CSMD3: variants seen among roughly 807,000 people sequenced by gnomAD.
CSMD3 encodes CUB and Sushi multiple domains 3, also known as CUB and sushi domain-containing protein 3.
Under a neutral mutation model 435.2 loss-of-function variants are expected in CSMD3, and 177 were observed. That is an observed-to-expected ratio of 0.41 (90% confidence interval 0.36 to 0.46). The LOEUF is 0.46. CSMD3 is among the 20% of genes least tolerant of loss of function. CSMD3 has a pLI of 0.34. For missense variants in CSMD3, 4,265 were observed against 4,504.6 expected (o/e 0.95, Z 1.52); for synonymous variants, 1,656 against 1,520.5 (o/e 1.09, Z -2.07).
chr8:112,930,248 C>G (rs2083062352), intron 9 of CSMD3, among the ~76,000 whole-genome samples: 1 of 152,016 alleles, frequency 6.6e-6, no homozygotes, highest in Non-Finnish European at 1.5e-5. Flanking sequence ...TATATCACTC[C>G]CTGTGTTCTC....
chr8:112,326,824 G>C (rs1823558223), intron 45 of CSMD3, among the ~76,000 whole-genome samples: 1 of 152,056 alleles, frequency 6.6e-6, no homozygotes, highest in African/African-American at 2.4e-5. Flanking sequence ...AAACCAGCTA[G>C]CCACCTGCAG....
At chr8:113,165,439 A>T (rs958395791) in intron 4 of CSMD3, among the ~76,000 whole-genome samples, 5 of 152,210 alleles carry the variant, frequency 3.3e-5, no homozygotes, top group Non-Finnish European at 7.3e-5. Context: ...TGTCAAAACA[A>T]GTAAACAAAA....
At chr8:112,969,594 A>T (rs1164268168) in intron 7 of CSMD3, among the ~76,000 whole-genome samples, 1 of 151,998 alleles carries the variant, frequency 6.6e-6, no homozygotes, top group Admixed American at 6.6e-5. Context: ...AAACCTCATA[A>T]CATATATTTA....
intron 53 of CSMD3, among the ~76,000 whole-genome samples, chr8:112,298,388 T>C (rs571797067): frequency 5.9e-5 from 9 of 152,236 alleles, no homozygotes; most frequent in Non-Finnish European, 1.3e-4. Context: ...TCAATGCTAC[T>C]ATGTAACACA....
chr8:112,470,637 T>C (rs1040435358), intron 32 of CSMD3, among the ~76,000 whole-genome samples: 6 of 151,992 alleles, frequency 3.9e-5, no homozygotes, highest in African/African-American at 1.2e-4. Context: ...TGTATATATA[T>C]GTATATAATA....
chr8:112,558,121 G>A (rs534864218), intron 24 of CSMD3, among the ~76,000 whole-genome samples: 3 of 151,926 alleles, frequency 2.0e-5, no homozygotes, highest in African/African-American at 7.2e-5. Flanking sequence ...GTGATTAGAA[G>A]GCCTCAGAAG....
chr8:112,303,891 A>G (rs1475348232), intron 52 of CSMD3, among the ~76,000 whole-genome samples: 2 of 152,144 alleles, frequency 1.3e-5, no homozygotes, highest in East Asian at 1.9e-4. Context: ...ATGGGTCTCT[A>G]TGCAATATAT....
intron 1 of CSMD3, among the ~76,000 whole-genome samples, chr8:113,359,887 G>T (rs755155383): frequency 2.6e-5 from 4 of 152,232 alleles, no homozygotes; most frequent in Non-Finnish European, 5.9e-5. Context: ...TTAAAATTTT[G>T]AAATCAAACA....
chr8:112,417,819 C>T (rs369665730), intron 32 of CSMD3, among the ~76,000 whole-genome samples: 8 of 152,238 alleles, frequency 5.3e-5, no homozygotes, highest in African/African-American at 1.9e-4. Context: ...CCTTCTGTTT[C>T]AACTTCATCA....
At chr8:112,986,549 T>C (rs2085260383) in intron 6 of CSMD3, among the ~76,000 whole-genome samples, 2 of 152,128 alleles carry the variant, frequency 1.3e-5, no homozygotes, top group Non-Finnish European at 2.9e-5. Flanking sequence ...TATATTTAAG[T>C]CTTCAACCAT....
chr8:113,005,467 T>C (rs1182494371), intron 6 of CSMD3, among the ~76,000 whole-genome samples: 1 of 151,948 alleles, frequency 6.6e-6, no homozygotes, highest in Admixed American at 6.6e-5. Flanking sequence ...ACATTAGTTC[T>C]CATAATTATA....
chr8:112,537,709 A>G (rs981251210), intron 27 of CSMD3, among the ~76,000 whole-genome samples: 2 of 151,810 alleles, frequency 1.3e-5, no homozygotes, highest in African/African-American at 4.8e-5. Context: ...ACCAATAACA[A>G]GTAATGAGTT....
At chr8:112,661,509 T>A (rs1418217409) in intron 17 of CSMD3, among the ~76,000 whole-genome samples, 1 of 152,104 alleles carries the variant, frequency 6.6e-6, no homozygotes, top group Non-Finnish European at 1.5e-5. Context: ...TGTTTGGCAA[T>A]CAAACTGTTC....
At chr8:113,222,762 G>A (rs1019841584) in intron 3 of CSMD3, among the ~76,000 whole-genome samples, 1 of 150,906 alleles carries the variant, frequency 6.6e-6, no homozygotes, top group African/African-American at 2.4e-5. Context: ...TTTTAATCAA[G>A]CATAAGAGTT....
intron 7 of CSMD3, among the ~76,000 whole-genome samples, chr8:112,975,007 G>A (rs939479377): frequency 6.6e-6 from 1 of 151,064 alleles, no homozygotes; most frequent in Non-Finnish European, 1.5e-5. Flanking sequence ...TACATATATC[G>A]ATATAAATAA....
At chr8:112,861,458 C>T (rs915115525) in intron 10 of CSMD3, among the ~76,000 whole-genome samples, 2 of 151,866 alleles carry the variant, frequency 1.3e-5, no homozygotes, top group Non-Finnish European at 2.9e-5. Flanking sequence ...ACATCTTGCT[C>T]TTCTTTGATT....
intron 13 of CSMD3, among the ~76,000 whole-genome samples, chr8:112,755,971 A>C (rs146104353): frequency 6.6e-6 from 1 of 152,000 alleles, no homozygotes; most frequent in East Asian, 1.9e-4. Context: ...GATTGAGATT[A>C]TTTGAAGAAC....
chr8:113,173,997 T>C (rs2092310476), intron 3 of CSMD3, 81 bp from the exon 4 acceptor site: 2 of 953,706 alleles, frequency 2.1e-6, no homozygotes, highest in Non-Finnish European at 3.3e-6. Context: ...ATTATATATG[T>C]AGATATGGAT....
chr8:112,339,125 T>A (rs1379873621), intron 42 of CSMD3, among the ~76,000 whole-genome samples: 1 of 150,136 alleles, frequency 6.7e-6, no homozygotes, highest in Non-Finnish European at 1.5e-5. Flanking sequence ...ACCCCTCACC[T>A]TTTTGGCCCA....
Sources: gnomAD v4.1 joint callset for allele counts (sites outside exome capture counted in the v4.1 genomes callset) on GRCh38, gnomAD v4.1.1 for gene constraint, MANE v1.5 for transcripts, NCBI Gene and HGNC (gene_info 2026-07-23, HGNC 2026-07-21) for gene names.